The following ASIC2 variants were observed in gnomAD, a reference collection of about 807,000 sequenced individuals.
The protein encoded by ASIC2 is acid-sensing ion channel 2.
Under a neutral mutation model 57.3 loss-of-function variants are expected in ASIC2, and 25 were observed. That is an observed-to-expected ratio of 0.44 (90% CI 0.32 to 0.61). The LOEUF (loss-of-function observed/expected upper bound fraction) is 0.61, where lower values mean the gene tolerates loss of function less well. Ranked by LOEUF, ASIC2 falls within the 20% of genes least tolerant of loss-of-function variation. The probability of loss-of-function intolerance (pLI) is 0.06; values close to 1 mark genes in which losing one functional copy is unlikely to be tolerated. For missense variants in ASIC2, 641 were observed against 738.1 expected (o/e 0.87, Z 1.52); for synonymous variants, 319 against 307.5 (o/e 1.04, Z -0.39).
chr17:33,621,926 C>T (rs1023560015), intron 1 of ASIC2, among the ~76,000 whole-genome samples: 3 of 151,946 alleles, frequency 2.0e-5, no homozygotes, highest in South Asian at 2.1e-4. Context: ...ACCTACCTTG[C>T]GGTTATTGTG....
chr17:33,809,924 C>T (rs560137000), intron 1 of ASIC2, among the ~76,000 whole-genome samples: 2 of 152,318 alleles, frequency 1.3e-5, no homozygotes, highest in Admixed American at 6.5e-5. Flanking sequence ...TCATATCCAC[C>T]TGGAAACTGA....
rs183996757 is a variant in ASIC2, at chr17:33,344,197, C to T, written c.556-232130G>A. ...GTCATGCATTCCCCAGTGCCCAATA[C>T]AGGGTGGATGCTCAGTAAATATTTT... On this transcript the variant is annotated intron_variant, in intron 1 of 9. Coordinates refer to the ASIC2 transcript ENST00000359872. 1.7e-3 allele frequency among the ~76,000 whole-genome samples: 265 copies of T among 152,290 alleles called. 3 individuals are homozygous for T. Among genetic ancestry groups the T allele is most frequent in the African/African-American group, 5.5e-3 (230 of 41,552 alleles).
intron 1 of ASIC2, among the ~76,000 whole-genome samples, chr17:33,699,559 G>T (rs749170106): frequency 3.3e-5 from 5 of 152,140 alleles, no homozygotes; most frequent in Non-Finnish European, 4.4e-5. Context: ...TCTCTTATCT[G>T]TTCCTTTTCT....
upstream of ASIC2, among the ~76,000 whole-genome samples, chr17:33,296,536 T>C (rs540049517): frequency 6.6e-6 from 1 of 152,180 alleles, no homozygotes; most frequent in South Asian, 2.1e-4. Context: ...CAATCATAAG[T>C]TTTTAGGAAA....
chr17:33,386,001 T>C (rs1299866200), intron 1 of ASIC2, among the ~76,000 whole-genome samples: 1 of 152,234 alleles, frequency 6.6e-6, no homozygotes, highest in African/African-American at 2.4e-5. Context: ...CTCTCTACCT[T>C]GGCAGTTGTC....
chr17:33,594,447 C>T (rs531733082), intron 1 of ASIC2, among the ~76,000 whole-genome samples: 2 of 152,356 alleles, frequency 1.3e-5, no homozygotes, highest in South Asian at 4.1e-4. Flanking sequence ...ATAACATCCT[C>T]TTGCATTCAG....
At position 33,300,752 on chromosome 17, in the gene ASIC2, T is replaced by C. The variant is rs545207794; in HGVS notation, c.556-188685A>G. 3.3e-5 allele frequency among the ~76,000 whole-genome samples: 5 copies of C among 152,346 alleles called. No individual in the cohort carries two copies. In the South Asian group the frequency reaches 1.0e-3, roughly 32 times the overall value. On this transcript the variant is annotated intron_variant, in intron 1 of 9. Coordinates refer to the ASIC2 transcript ENST00000359872. ...ATCCAGTTTAGGATTCAGAAGTTTC[T>C]GTAACTAACATTTAGAGTGGGTAAA...
intron 1 of ASIC2, among the ~76,000 whole-genome samples, chr17:34,132,705 T>A (rs1185261130): frequency 6.6e-6 from 1 of 152,148 alleles, no homozygotes; most frequent in African/African-American, 2.4e-5. Context: ...ACCCACGAAG[T>A]CCAGCTGGCT....
At chr17:33,761,934 A>G (rs960305881) in intron 1 of ASIC2, among the ~76,000 whole-genome samples, 7 of 151,436 alleles carry the variant, frequency 4.6e-5, no homozygotes, top group East Asian at 3.9e-4. Context: ...CCTAGGAGTC[A>G]GGGGGTAGGG....
At chr17:33,998,189 T>C (rs759612328) in intron 1 of ASIC2, among the ~76,000 whole-genome samples, 3 of 152,176 alleles carry the variant, frequency 2.0e-5, no homozygotes, top group Non-Finnish European at 4.4e-5. Context: ...TAATTGCTCA[T>C]AGTACTCCCT....
chr17:33,443,478 A>G (rs1366329985), intron 1 of ASIC2, among the ~76,000 whole-genome samples: 53 of 120,098 alleles, frequency 4.4e-4, no homozygotes, highest in Admixed American at 1.2e-3. Context: ...CAGTGGCGGG[A>G]TCTCGGCTCA....
At chr17:34,072,654 C>T (rs371280872) in intron 1 of ASIC2, among the ~76,000 whole-genome samples, 1 of 152,108 alleles carries the variant, frequency 6.6e-6, no homozygotes, top group African/African-American at 2.4e-5. Context: ...TTAATTAATT[C>T]CTCTGCATAT....
intron 3 of ASIC2, among the ~76,000 whole-genome samples, chr17:33,062,157 C>T (rs1457225730): frequency 2.0e-5 from 3 of 152,074 alleles, no homozygotes; most frequent in Non-Finnish European, 2.9e-5. Flanking sequence ...GTGTCTCTAT[C>T]TCCTTCAGTT....
chr17:33,054,083 C>A (rs1340421506), intron 3 of ASIC2, among the ~76,000 whole-genome samples: 1 of 152,070 alleles, frequency 6.6e-6, no homozygotes, highest in Non-Finnish European at 1.5e-5. Flanking sequence ...AACCATCTAC[C>A]CAGCTTTCAA....
intron 1 of ASIC2, chr17:33,931,289 C>T (rs142070700): frequency 1.2e-3 from 181 of 152,332 alleles, no homozygotes; most frequent in Non-Finnish European, 2.2e-3. Flanking sequence ...CCAGCGGGTA[C>T]GTGACTGCGG....
At chr17:33,162,293 G>A (rs1349024353) in intron 1 of ASIC2, among the ~76,000 whole-genome samples, 1 of 152,188 alleles carries the variant, frequency 6.6e-6, no homozygotes, top group Non-Finnish European at 1.5e-5. Flanking sequence ...CCCTGTGAAG[G>A]TGAATAAGGG....
At position 33,884,144 on chromosome 17, in the gene ASIC2, T is replaced by G. The variant is rs567928145; in HGVS notation, c.555+271834A>C. Among the ~76,000 whole-genome samples the G allele has an allele frequency of 7.2e-4, 109 of 152,324 alleles. 2 individuals carry two copies. Among genetic ancestry groups the G allele is most frequent in the Middle Eastern group, 3.4e-3 (1 of 292 alleles). On this transcript the variant is annotated intron_variant, in intron 1 of 9. Transcript: ENST00000359872. ...TGTCAGGAGGCTGACCTCTGCACCA[T>G]TCCATCTGGGCTCTCTTGCTCTTTG... is the stretch of plus-strand genomic sequence containing the variant.
chr17:33,846,183 A>C (rs7210184), intron 1 of ASIC2, among the ~76,000 whole-genome samples: 3,847 of 152,202 alleles, frequency 0.025, 183 homozygotes, highest in African/African-American at 0.089. Flanking sequence ...TGGACATGCT[A>C]TGGCTTGGGG....
At chr17:33,173,257 A>T (rs938554839) in intron 1 of ASIC2, among the ~76,000 whole-genome samples, 2 of 151,888 alleles carry the variant, frequency 1.3e-5, no homozygotes, top group African/African-American at 4.8e-5. Context: ...TCCTTAGACC[A>T]CCCCTGAGAG....
Sources: allele counts gnomAD v4.1 joint callset (sites outside exome capture counted in the v4.1 genomes callset), GRCh38; gene constraint gnomAD v4.1.1; transcripts MANE v1.5; gene names NCBI Gene and HGNC (gene_info 2026-07-23, HGNC 2026-07-21).